Variants in RTEL1 observed in about 807,000 individuals in gnomAD.
RTEL1 encodes the protein regulator of telomere length.
In RTEL1, 86 loss-of-function variants were observed where a neutral mutation model predicts 162.2. That is an observed-to-expected ratio of 0.53 (90% confidence interval 0.45 to 0.63). The LOEUF (loss-of-function observed/expected upper bound fraction) is 0.63. RTEL1 is among the 30% of genes least tolerant of loss of function. RTEL1 has a pLI of 0.00. For missense variants in RTEL1, 1,941 were observed against 1,750.2 expected, an observed-to-expected ratio of 1.11 and a Z score of -1.95; for synonymous variants, 958 against 717.9, an observed-to-expected ratio of 1.33 and a Z score of -5.35.
intron 10 of RTEL1, among the ~76,000 whole-genome samples, chr20:63,677,221 G>A (rs906580533): frequency 1.1e-4 from 16 of 152,228 alleles, no homozygotes; most frequent in East Asian, 3.8e-4. Context: ...CCCGCCATGC[G>A]GCAGCGGGTT....
chr20:63,693,134 C>G lies in RTEL1; in HGVS notation c.2852-9C>G. The G allele has an allele frequency of 1.2e-6, 2 of 1,612,246 alleles. No individual in the cohort carries two copies. The highest frequency in any genetic ancestry group is 1.7e-6 in the Non-Finnish European group (2 of 1,179,600). ...GGGCAGATGGGGACAGACGCCCCTT[C>G]CTCTACAGGCTTCTACCAGTTTGTG... On this transcript the variant is annotated splice_polypyrimidine_tract_variant and intron_variant, in intron 29 of 34. Transcript: ENST00000360203.
chr20:63,695,136 G>T lies in RTEL1; in HGVS notation c.3414G>T (p.Arg1138=), dbSNP rs1217551424. 4 of 1,612,426 alleles carry T rather than the reference G, an allele frequency of 2.5e-6. No individual in the cohort carries two copies. The highest frequency in any genetic ancestry group is 2.2e-5 in the East Asian group (1 of 44,872). Residue 1138 remains arginine (R), a synonymous_variant, in exon 33 of 35, where the codon CGG becomes CGT. Transcript: ENST00000360203. The stretch of plus-strand genomic sequence containing the variant: ...AGACGTGCACAGACCTGACCGGCCG[G>T]CCCTACCCGGGCATGGAGCCACCGG... The part of the protein sequence containing the change: ...FSQTCTDLTG[R]PYPGMEPPGP...
chr20:63,690,628 G>A (rs2090715065), intron 26 of RTEL1, among the ~76,000 whole-genome samples, 177 bp from the exon 27 acceptor site: 1 of 152,126 alleles, frequency 6.6e-6, no homozygotes, highest in Non-Finnish European at 1.5e-5. Context: ...CCTACAGGCA[G>A]AGAACGCCCC....
chr20:63,680,225 G>A (rs1477083221), intron 13 of RTEL1, among the ~76,000 whole-genome samples: 1 of 152,202 alleles, frequency 6.6e-6, no homozygotes, highest in Admixed American at 6.5e-5. Context: ...CTGGCTTGTG[G>A]GGCCTCTGGC....
intron 27 of RTEL1, among the ~76,000 whole-genome samples, chr20:63,691,472 T>C (rs2090741598): frequency 6.6e-6 from 1 of 152,036 alleles, no homozygotes; most frequent in East Asian, 1.9e-4. Context: ...GGCACCTGTG[T>C]CCCCTTCCTG....
intron 28 of RTEL1, 155 bp from the exon 29 acceptor site, chr20:63,692,650 C>T (rs1469752103): frequency 2.8e-6 from 2 of 703,108 alleles, no homozygotes; most frequent in East Asian, 2.7e-5. Context: ...GCAGCCCCTC[C>T]CTATGTCCAT....
chr20:63,673,891 C>G, intron 9 of RTEL1, 49 bp from the exon 10 acceptor site: 2 of 1,544,722 alleles, frequency 1.3e-6, no homozygotes, highest in African/African-American at 1.4e-5. Context: ...TTTCTGGAAC[C>G]CCCGATCCTG....
intron 30 of RTEL1, among the ~76,000 whole-genome samples, chr20:63,693,871 G>A (rs192426250): frequency 5.4e-5 from 8 of 148,540 alleles, no homozygotes; most frequent in Middle Eastern, 3.4e-3. Flanking sequence ...ACTGCCACAC[G>A]TCCCCTGCCT....
intron 8 of RTEL1, among the ~76,000 whole-genome samples, chr20:63,670,792 A>G (rs1006871384): frequency 6.7e-6 from 1 of 150,282 alleles, no homozygotes; most frequent in African/African-American, 2.4e-5. Context: ...AGACCAGCCT[A>G]GGCAACATAG....
Position 63,661,485 on chromosome 20 carries a change from G to T in RTEL1, c.290G>T (p.Gly97Val). ...SSWGNAAAAA[G>V]DPIACYTDIP... ...TGGGGCAACGCTGCTGCTGCTGCTG[G>T]AGACCCCATAGGTGACCCTAGTTCC... The change falls in exon 3 of 35, where the codon GGA (glycine) becomes GTA (valine). Residue 97 changes from glycine to valine, a missense_variant. Transcript: ENST00000360203. This position sits in a 1 kb window ranked among gnomAD's most constrained non-coding sequence, Gnocchi z 5.1. The T allele has an allele frequency of 6.2e-7, 1 of 1,610,902 alleles. No homozygotes were observed.
At position 63,695,155 on chromosome 20, in the gene RTEL1, C is replaced by T. The variant is rs200563138; in HGVS notation, c.3433C>T (p.Pro1145Ser). Residue 1145 changes from proline (P) to serine (S), a missense_variant, in exon 33 of 35, where the codon CCA (proline) becomes TCA (serine). By Grantham distance (74) the Pro-to-Ser change is moderately conservative. Coordinates refer to ENST00000360203, the MANE Select transcript of RTEL1 (RefSeq NM_001283009.2). The part of the protein sequence containing the change: ...LTGRPYPGME[P>S]PGPQEERLAV... ...CGGCCGGCCCTACCCGGGCATGGAG[C>T]CACCGGGACCCCAGGAGGAGAGGCT... The T allele has an allele frequency of 2.5e-6, 4 of 1,612,420 alleles. No individual in the cohort carries two copies. The Admixed American group carries it at 6.7e-5, about 27-fold the overall frequency.
chr20:63,669,455 T>C (rs925566784), intron 8 of RTEL1, among the ~76,000 whole-genome samples: 8 of 152,178 alleles, frequency 5.3e-5, no homozygotes, highest in Admixed American at 2.0e-4. Flanking sequence ...AAGCTTCAAC[T>C]CTGTGGAAGA....
At position 63,666,014 on chromosome 20, in the gene RTEL1, G is replaced by A. The variant is rs755186835; in HGVS notation, c.549G>A (p.Leu183=). ...HFYNNVEEKS[L]EQELASPILD... ...GCCTCACACCTGCAGAAAAAAGCCT[G>A]GAGCAGGAGCTGGCCAGCCCCATCC... Residue 183 remains leucine, a synonymous_variant, in exon 7 of 35, where the codon CTG becomes CTA. Transcript: ENST00000360203. 9 of 1,613,942 alleles carry A rather than the reference G, an allele frequency of 5.6e-6. No homozygotes were observed. Among genetic ancestry groups the A allele is most frequent in the Non-Finnish European group, 6.8e-6 (8 of 1,179,972 alleles).
chr20:63,661,261 T>G lies in RTEL1; in HGVS notation c.103-37T>G. The stretch of plus-strand genomic sequence containing the variant: ...CAGCTTGTGTGGCCTCGCCTCTTCC[T>G]GGCTTCCCCGTAACCCTTGCTCCGA... On this transcript the variant is annotated intron_variant, in intron 2 of 34. Transcript: ENST00000360203. This position sits in a 1 kb window ranked among gnomAD's most constrained non-coding sequence, Gnocchi z 5.1. The G allele has an allele frequency of 6.3e-7, 1 of 1,594,092 alleles. No homozygotes were observed. Among genetic ancestry groups the G allele is most frequent in the Middle Eastern group, 2.3e-4 (1 of 4,410 alleles).
chr20:63,666,435 GC>G (rs1254519595), intron 7 of RTEL1, among the ~76,000 whole-genome samples: 2 of 152,240 alleles, frequency 1.3e-5, no homozygotes, highest in Non-Finnish European at 2.9e-5. Context: ...TGGCAGCTCG[GC>G]CTTGTTCTTT....
chr20:63,696,136 C>G lies in RTEL1; in HGVS notation c.*278C>G. The G allele has an allele frequency of 1.9e-6, 1 of 516,224 alleles. No homozygotes were observed. The highest frequency in any genetic ancestry group is 3.4e-6 in the Non-Finnish European group (1 of 290,296). The allele number at this position is 516,224 out of a possible 1,614,324, so 32.0% of individuals were successfully genotyped here. ...GGCTCCTGGCCTGTGAGTGGTGCCA[C>G]AGGGGCACCCCAGCTGAGCCCCTCA... is the stretch of plus-strand genomic sequence containing the variant. On this transcript the variant is annotated 3_prime_UTR_variant, in exon 35 of 35. Coordinates refer to ENST00000360203, the MANE Select transcript of RTEL1 (RefSeq NM_001283009.2).
chr20:63,664,577 G>A (rs2146163656), intron 6 of RTEL1, among the ~76,000 whole-genome samples: 2 of 152,344 alleles, frequency 1.3e-5, no homozygotes, highest in Middle Eastern at 6.8e-3. Flanking sequence ...AGACCAGGAA[G>A]ACACAGGCCA....
At chr20:63,664,468 TG>T (rs1163743133) in intron 6 of RTEL1, among the ~76,000 whole-genome samples, 1 of 152,010 alleles carries the variant, frequency 6.6e-6, no homozygotes, top group Non-Finnish European at 1.5e-5. Flanking sequence ...TGGGACCTGG[TG>T]GGGAGGCCTC....
Position 63,661,280 on chromosome 20 carries a change from G to A in RTEL1, c.103-18G>A, listed in dbSNP as rs368619442. On this transcript the variant is annotated intron_variant, in intron 2 of 34. Transcript: ENST00000360203. The surrounding 1 kb of genome is among the most constrained non-coding windows in gnomAD (Gnocchi z 5.1). ...TCTTCCTGGCTTCCCCGTAACCCTTGCTCCGAACTCCGTTCAGAAGGTGAA... is the reference window on the plus strand; with the variant it reads ...TCTTCCTGGCTTCCCCGTAACCCTTACTCCGAACTCCGTTCAGAAGGTGAA... The A allele has an allele frequency of 6.2e-7, 1 of 1,608,702 alleles. No individual in the cohort carries two copies. Among genetic ancestry groups the A allele is most frequent in the Non-Finnish European group, 8.5e-7 (1 of 1,177,774 alleles).
Sources: allele counts gnomAD v4.1 joint callset (sites outside exome capture counted in the v4.1 genomes callset), GRCh38; gene constraint gnomAD v4.1.1; non-coding constraint Gnocchi (gnomAD v3.1); transcripts MANE v1.5; gene names NCBI Gene and HGNC (gene_info 2026-07-23, HGNC 2026-07-21).